Variants in RSPH9 observed in about 807,000 individuals in gnomAD.
RSPH9 encodes radial spoke head component 9.
RSPH9 carries 27 observed loss-of-function variants against 27.0 expected under a neutral mutation model. The observed-to-expected ratio is 1.00, with a 90% CI of 0.74 to 1.38. The LOEUF (loss-of-function observed/expected upper bound fraction) is 1.38, where lower values mean the gene tolerates loss of function less well. Ranked by LOEUF, RSPH9 falls within the 40% of genes most tolerant of loss-of-function variation. RSPH9 has a pLI of 0.00. For missense variants in RSPH9, 347 were observed against 357.4 expected (o/e 0.97, Z 0.24); for synonymous variants, 145 against 147.7 (o/e 0.98, Z 0.13).
At chr6:43,651,167 G>A (rs965901017) in intron 2 of RSPH9, among the ~76,000 whole-genome samples, 2 of 152,132 alleles carry the variant, frequency 1.3e-5, no homozygotes, top group Non-Finnish European at 2.9e-5. Flanking sequence ...GTGCTACTGT[G>A]CCTGTATCAT....
chr6:43,670,101 C>G (rs895586777), intron 4 of RSPH9, among the ~76,000 whole-genome samples: 1 of 152,256 alleles, frequency 6.6e-6, no homozygotes, highest in African/African-American at 2.4e-5. Context: ...CACACTAGAA[C>G]TGGTGACTGC....
At chr6:43,649,203 T>G (rs1167364775) in intron 1 of RSPH9, among the ~76,000 whole-genome samples, 1 of 152,074 alleles carries the variant, frequency 6.6e-6, no homozygotes, top group Non-Finnish European at 1.5e-5. Context: ...GTTTTGTTTT[T>G]TTTGAGATGG....
At chr6:43,649,749 T>C (rs767153234) in intron 1 of RSPH9, among the ~76,000 whole-genome samples, 28 of 152,078 alleles carry the variant, frequency 1.8e-4, no homozygotes, top group Admixed American at 4.6e-4. Context: ...AGGCTGAGCA[T>C]GAATTTAGGG....
intron 4 of RSPH9, among the ~76,000 whole-genome samples, chr6:43,667,428 C>CCTGCCTGG (rs59697086): frequency 0.27 from 40,836 of 151,974 alleles, 9,990 homozygotes; most frequent in African/African-American, 0.65. Flanking sequence ...AACGCGCCTG[C>CCTGCCTGG]CTGCCTACCT....
At chr6:43,656,078 C>T (rs966509858) in intron 3 of RSPH9, among the ~76,000 whole-genome samples, 2 of 144,732 alleles carry the variant, frequency 1.4e-5, no homozygotes, top group African/African-American at 5.1e-5. Context: ...CCTTCCCTCC[C>T]TCCCTCCCTC....
chr6:43,657,795 G>T (rs1285846308), intron 4 of RSPH9, among the ~76,000 whole-genome samples: 1 of 152,180 alleles, frequency 6.6e-6, no homozygotes. Context: ...AAAAAGGGGA[G>T]AATTGATATT....
chr6:43,645,270 T>C lies in RSPH9; in HGVS notation c.172T>C (p.Tyr58His), dbSNP rs1295090908. 3 of 1,613,572 alleles carry C rather than the reference T, an allele frequency of 1.9e-6. No individual in the cohort carries two copies. The highest frequency in any genetic ancestry group is 4.5e-5 in the East Asian group (2 of 44,828). The change falls in exon 1 of 5, where the codon TAC (tyrosine) becomes CAC (histidine). Residue 58 changes from tyrosine to histidine, a missense_variant. By Grantham distance (83) the Tyr-to-His change is moderately conservative. Transcript: ENST00000372163. ...GRILGLVADY[Y>H]IAQGLSEDQL... ...CATCCTTGGCCTCGTCGCCGATTAC[T>C]ACATCGCGCAGGGCCTGAGTGAGGA...
At chr6:43,667,606 A>G (rs567824549) in intron 4 of RSPH9, among the ~76,000 whole-genome samples, 1 of 152,178 alleles carries the variant, frequency 6.6e-6, no homozygotes, top group African/African-American at 2.4e-5. Context: ...CTGGCTGACA[A>G]GTGTTCAGCC....
chr6:43,655,037 CAAT>C (rs1265548949), intron 2 of RSPH9, among the ~76,000 whole-genome samples: 1 of 151,928 alleles, frequency 6.6e-6, no homozygotes, highest in African/African-American at 2.4e-5. Flanking sequence ...ATGACAGCAA[CAAT>C]AACAACAAAA....
chr6:43,672,412 G>C lies in RSPH9; in HGVS notation c.*1463G>C, dbSNP rs1427332723. On this transcript the variant is annotated 3_prime_UTR_variant, in exon 5 of 5. Coordinates refer to ENST00000372163, the MANE Select transcript of RSPH9 (RefSeq NM_152732.5). ...CTGTGATGGGAATCAAGGGGTAAGG[G>C]CCCGTGGGCGCAGCCCTAGCCTAGG... 1 of 471,278 alleles carries C rather than the reference G, an allele frequency of 2.1e-6. No homozygotes were observed. Among genetic ancestry groups the C allele is most frequent in the Non-Finnish European group, 4.4e-6 (1 of 227,174 alleles). 29.2% of individuals were successfully genotyped at this position (471,278 alleles called of 1,614,324 possible).
intron 4 of RSPH9, among the ~76,000 whole-genome samples, chr6:43,659,983 G>T (rs948402859): frequency 2.0e-5 from 3 of 147,272 alleles, no homozygotes; most frequent in Non-Finnish European, 3.0e-5. Context: ...TGATCTGCCC[G>T]CCTTGGCCTC....
chr6:43,650,612 A>C (rs1298377743), intron 2 of RSPH9, 72 bp downstream of exon 2: 10 of 1,558,718 alleles, frequency 6.4e-6, no homozygotes, highest in Non-Finnish European at 8.8e-6. Flanking sequence ...GCCTAATAGA[A>C]ATTATGGCAA....
chr6:43,653,927 G>C (rs1396851659), intron 2 of RSPH9, among the ~76,000 whole-genome samples: 2 of 152,140 alleles, frequency 1.3e-5, no homozygotes, highest in Non-Finnish European at 2.9e-5. Flanking sequence ...CCCGACCTCA[G>C]GTGATCTGCC....
intron 4 of RSPH9, among the ~76,000 whole-genome samples, chr6:43,657,267 G>C (rs1441963300): frequency 1.3e-5 from 2 of 152,186 alleles, no homozygotes; most frequent in Non-Finnish European, 2.9e-5. Context: ...CTCTTCCCTT[G>C]TTGGGTGTTC....
chr6:43,664,445 C>G (rs930482266), intron 4 of RSPH9, among the ~76,000 whole-genome samples: 2 of 152,140 alleles, frequency 1.3e-5, no homozygotes, highest in African/African-American at 2.4e-5. Context: ...TGAGTTGGGG[C>G]AGGCCTAGGA....
intron 2 of RSPH9, among the ~76,000 whole-genome samples, chr6:43,650,968 T>TC (rs1035861247): frequency 1.3e-5 from 2 of 148,454 alleles, no homozygotes; most frequent in African/African-American, 4.9e-5. Flanking sequence ...ATTATTTCCT[T>TC]TTTTTTTTTG....
chr6:43,647,229 G>C (rs1770981053), intron 1 of RSPH9, among the ~76,000 whole-genome samples: 1 of 152,186 alleles, frequency 6.6e-6, no homozygotes, highest in Admixed American at 6.6e-5. Context: ...GGCTGGGGAA[G>C]TCTCAGAGTG....
intron 4 of RSPH9, among the ~76,000 whole-genome samples, chr6:43,661,583 C>T (rs1014144050): frequency 6.0e-5 from 9 of 150,964 alleles, no homozygotes. Flanking sequence ...ATTGCTTGAA[C>T]CCGGGAGGCA....
intron 1 of RSPH9, among the ~76,000 whole-genome samples, chr6:43,648,340 A>C (rs1771106919): frequency 6.6e-6 from 1 of 152,202 alleles, no homozygotes; most frequent in Admixed American, 6.5e-5. Context: ...CTCTTTGATA[A>C]GGTCACATTT....
Sources: allele counts gnomAD v4.1 joint callset (sites outside exome capture counted in the v4.1 genomes callset), GRCh38; gene constraint gnomAD v4.1.1; transcripts MANE v1.5; gene names NCBI Gene and HGNC (gene_info 2026-07-23, HGNC 2026-07-21).